SMG6: variants seen among roughly 807,000 people sequenced by gnomAD.
SMG6 encodes SMG6 nonsense mediated mRNA decay factor.
Under a neutral mutation model 142.2 loss-of-function variants are expected in SMG6, and 66 were observed. The ratio of observed to expected loss-of-function variants is 0.46; its 90% CI spans 0.38 to 0.57. The LOEUF (loss-of-function observed/expected upper bound fraction) is 0.57, where lower values mean the gene tolerates loss of function less well. Ranked by LOEUF, SMG6 falls within the 20% of genes least tolerant of loss-of-function variation. The probability of loss-of-function intolerance (pLI) is 0.00; values close to 1 mark genes in which losing one functional copy is unlikely to be tolerated. For synonymous variants in SMG6, 779 were observed against 702.4 expected, an observed-to-expected ratio of 1.11 and a Z score of -1.72; for missense variants, 1,793 against 1,832.0, an observed-to-expected ratio of 0.98 and a Z score of 0.39.
At chr17:2,136,892 C>T (rs2070321887) in intron 13 of SMG6, among the ~76,000 whole-genome samples, 1 of 152,118 alleles carries the variant, frequency 6.6e-6, no homozygotes, top group Non-Finnish European at 1.5e-5. Context: ...GGCATGATGG[C>T]TCACGCTTGT....
intron 4 of SMG6, among the ~76,000 whole-genome samples, chr17:2,294,486 C>T (rs2151401762): frequency 6.6e-6 from 1 of 152,302 alleles, no homozygotes. Context: ...CTTTCTGTAC[C>T]TCAGTCAGAC....
chr17:2,207,996 G>T (rs1350693812), intron 10 of SMG6, among the ~76,000 whole-genome samples: 1 of 152,128 alleles, frequency 6.6e-6, no homozygotes, highest in Non-Finnish European at 1.5e-5. Context: ...GGGTGCGGTG[G>T]CTCATGCCTG....
chr17:2,230,175 G>C lies in SMG6; in HGVS notation c.2869+6317C>G, dbSNP rs534527117. On this transcript the variant is annotated intron_variant, in intron 10 of 18. Transcript: ENST00000263073. ...CACTCCAGCCTGGGCCACAGAGCAA[G>C]ACTCCGTCTCCAAAAAAAAAAAAAA... is the stretch of plus-strand genomic sequence containing the variant. Among the ~76,000 whole-genome samples, 3 of 90,262 alleles carry C rather than the reference G, an allele frequency of 3.3e-5. No individual in the cohort carries two copies. In the South Asian group the frequency reaches 1.3e-3, roughly 39 times the overall value. The allele number at this position is 90,262 out of a possible 152,430, so 59.2% of individuals were successfully genotyped here. A position where few individuals can be genotyped will look rare whatever the true frequency, so the allele number is the denominator to read the frequency against.
intron 13 of SMG6, among the ~76,000 whole-genome samples, chr17:2,155,017 T>C (rs2070956958): frequency 6.6e-6 from 1 of 151,816 alleles, no homozygotes; most frequent in African/African-American, 2.4e-5. Flanking sequence ...AAACAAGATG[T>C]TGTCTCAAAA....
intron 13 of SMG6, chr17:2,088,480 G>T: frequency 3.0e-6 from 3 of 985,442 alleles, no homozygotes; most frequent in Non-Finnish European, 3.6e-6. Context: ...TGGGGATTGT[G>T]TCTGTCATAG....
intron 12 of SMG6, among the ~76,000 whole-genome samples, chr17:2,183,381 CAT>C (rs1252977916): frequency 6.6e-6 from 1 of 152,270 alleles, no homozygotes; most frequent in East Asian, 1.9e-4. Flanking sequence ...GTTGTACAAA[CAT>C]GAACACACAC....
intron 12 of SMG6, among the ~76,000 whole-genome samples, chr17:2,174,866 C>A (rs1461627308): frequency 3.3e-5 from 5 of 152,224 alleles, no homozygotes; most frequent in Non-Finnish European, 5.9e-5. Flanking sequence ...GGCATTCAGG[C>A]TACCAGCTGT....
intron 10 of SMG6, chr17:2,213,744 C>T (rs912553479): frequency 3.9e-5 from 6 of 152,198 alleles, no homozygotes; most frequent in African/African-American, 1.2e-4. Context: ...CAACAAGGAA[C>T]GTGGCTTTGC....
At chr17:2,278,525 G>A (rs2074712023) in intron 8 of SMG6, among the ~76,000 whole-genome samples, 1 of 152,058 alleles carries the variant, frequency 6.6e-6, no homozygotes, top group Admixed American at 6.6e-5. Flanking sequence ...ATACATTACT[G>A]TTTAATGTTG....
At chr17:2,139,443 A>T (rs1457058487) in intron 13 of SMG6, among the ~76,000 whole-genome samples, 2 of 81,810 alleles carry the variant, frequency 2.4e-5, no homozygotes, top group Admixed American at 2.3e-4. Context: ...TTTTTTTGAG[A>T]TGGAGTCTCA....
intron 15 of SMG6, among the ~76,000 whole-genome samples, chr17:2,079,535 C>G (rs1447527870): frequency 6.6e-6 from 1 of 151,634 alleles, no homozygotes; most frequent in African/African-American, 2.4e-5. Context: ...ACTTGGGAGG[C>G]TGAGGCAGGA....
intron 13 of SMG6, among the ~76,000 whole-genome samples, chr17:2,104,294 C>T (rs1168806762): frequency 2.6e-5 from 4 of 152,128 alleles, no homozygotes; most frequent in Non-Finnish European, 5.9e-5. Context: ...CAGGGTTTCA[C>T]CATGTTGGCC....
At chr17:2,296,883 T>C (rs575974380) in intron 4 of SMG6, among the ~76,000 whole-genome samples, 1 of 151,914 alleles carries the variant, frequency 6.6e-6, no homozygotes, top group Non-Finnish European at 1.5e-5. Context: ...TAACGCCAGC[T>C]ACTCGGGAGA....
At chr17:2,253,227 C>T (rs999220228) in intron 8 of SMG6, among the ~76,000 whole-genome samples, 6 of 151,874 alleles carry the variant, frequency 4.0e-5, no homozygotes, top group African/African-American at 1.5e-4. Flanking sequence ...CTCTAAGCTC[C>T]GCTTCCCGGG....
At chr17:2,145,000 C>A (rs1462802444) in intron 13 of SMG6, among the ~76,000 whole-genome samples, 1 of 152,134 alleles carries the variant, frequency 6.6e-6, no homozygotes, top group Admixed American at 6.5e-5. Context: ...TTGGCACTCG[C>A]TTACTTTTCA....
intron 13 of SMG6, 24 bp downstream of exon 13, chr17:2,172,634 A>G (rs755010556): frequency 6.2e-7 from 1 of 1,611,140 alleles, no homozygotes; most frequent in Non-Finnish European, 8.5e-7. Context: ...GCGAATGGGG[A>G]GGGATGTTTG....
At chr17:2,073,888 G>A (rs548878258) in intron 15 of SMG6, among the ~76,000 whole-genome samples, 2 of 151,382 alleles carry the variant, frequency 1.3e-5, no homozygotes, top group Non-Finnish European at 2.9e-5. Flanking sequence ...AGACCAGCAT[G>A]GACAATATAG....
At chr17:2,083,552 C>T (rs2068479442) in intron 14 of SMG6, among the ~76,000 whole-genome samples, 1 of 152,242 alleles carries the variant, frequency 6.6e-6, no homozygotes, top group Non-Finnish European at 1.5e-5. Context: ...ATGCTGTCCA[C>T]AGTCACCATT....
At chr17:2,260,865 G>T (rs1047398256) in intron 8 of SMG6, among the ~76,000 whole-genome samples, 1 of 151,934 alleles carries the variant, frequency 6.6e-6, no homozygotes, top group Admixed American at 6.6e-5. Context: ...GTGTGATGGC[G>T]GGTGCCTGTA....
Sources: allele counts gnomAD v4.1 joint callset (sites outside exome capture counted in the v4.1 genomes callset), GRCh38; gene constraint gnomAD v4.1.1; transcripts MANE v1.5; gene names NCBI Gene and HGNC (gene_info 2026-07-23, HGNC 2026-07-21).